PVT1: variants seen among roughly 807,000 people sequenced by gnomAD.
PVT1 encodes the protein Pvt1 oncogene, also known as CXCR4/PVT1 fusion.
At chr8:127,920,476 C>T (rs1563639747) in intron 3 of PVT1, among the ~76,000 whole-genome samples, 1 of 152,168 alleles carries the variant, frequency 6.6e-6, no homozygotes, top group Non-Finnish European at 1.5e-5. Flanking sequence ...GTAAATGAGA[C>T]TAATACTAGT....
chr8:127,991,136 CTTTCTTTTTTT>C (rs1817034247), intron 4 of PVT1, among the ~76,000 whole-genome samples: 1 of 136,392 alleles, frequency 7.3e-6, no homozygotes, highest in African/African-American at 2.8e-5. Flanking sequence ...TTTTTCTTTT[CTTTCTTTTTTT>C]TTTTTTTTTT....
At chr8:127,862,776 G>A (rs187007420) in intron 2 of PVT1, among the ~76,000 whole-genome samples, 40 of 152,290 alleles carry the variant, frequency 2.6e-4, no homozygotes, top group Non-Finnish European at 5.1e-4. Context: ...TACTGGTGTG[G>A]TTGGCCAGCT....
At chr8:127,961,999 G>A (rs1816648788) in intron 3 of PVT1, among the ~76,000 whole-genome samples, 1 of 152,196 alleles carries the variant, frequency 6.6e-6, no homozygotes, top group Admixed American at 6.5e-5. Flanking sequence ...TTTTGAGACG[G>A]AGTCTCGCTC....
At chr8:127,960,673 G>A (rs759146459) in intron 3 of PVT1, 2 of 527,692 alleles carry the variant, frequency 3.8e-6, no homozygotes, top group Admixed American at 4.0e-5. Context: ...CTTCCTTCCT[G>A]TCAACCCTGT....
At chr8:128,054,663 C>G (rs535679961) in intron 4 of PVT1, among the ~76,000 whole-genome samples, 1 of 152,118 alleles carries the variant, frequency 6.6e-6, no homozygotes, top group South Asian at 2.1e-4. Context: ...TTTGGGCACT[C>G]CATGTTTAAT....
rs1042862823 is a variant in PVT1, at chr8:127,811,056, C to T, written n.372+14985C>T. On this transcript the variant is annotated intron_variant and non_coding_transcript_variant, in intron 2 of 10. Transcript: ENST00000651587. ...CACACCAGGCGGGCCTGATCAAATA[C>T]AGTAAGAAGTGTCCGGATTGGCAAA... Among the ~76,000 whole-genome samples the T allele has an allele frequency of 4.6e-5, 7 of 152,244 alleles. No individual in the cohort carries two copies. The East Asian group carries it at 1.4e-3, about 29-fold the overall frequency.
rs60674970 is a variant in PVT1, at chr8:127,881,677, G to A, written n.373-8912G>A. Reference sequence around the variant, plus strand: ...TCAACATGTTAGTTAGGCCGGTCTCGAACTTCTGACCTTAGGTGATCCACT... The same window carrying A: ...TCAACATGTTAGTTAGGCCGGTCTCAAACTTCTGACCTTAGGTGATCCACT... On this transcript the variant is annotated intron_variant and non_coding_transcript_variant, in intron 2 of 10. Transcript: ENST00000651587. Among the ~76,000 whole-genome samples, 910 of 151,910 alleles carry A rather than the reference G, an allele frequency of 6.0e-3. 2 individuals carry two copies. The highest frequency in any genetic ancestry group is 0.011 in the African/African-American group (468 of 41,382).
intron 3 of PVT1, among the ~76,000 whole-genome samples, chr8:127,975,137 TATAA>T (rs1816809703): frequency 6.6e-6 from 1 of 152,206 alleles, no homozygotes; most frequent in African/African-American, 2.4e-5. Flanking sequence ...TCTTCGTGCA[TATAA>T]CCTTTTTCTT....
chr8:127,855,501 TC>T (rs1815151185), intron 2 of PVT1, among the ~76,000 whole-genome samples: 1 of 152,172 alleles, frequency 6.6e-6, no homozygotes, highest in African/African-American at 2.4e-5. Flanking sequence ...GGGGGACATT[TC>T]TGCTGGCCCT....
At chr8:128,085,646 T>C (rs2648893) in intron 5 of PVT1, among the ~76,000 whole-genome samples, 33,300 of 152,160 alleles carry the variant, frequency 0.22, 4,811 homozygotes, top group African/African-American at 0.41. Flanking sequence ...CTTAAGATGC[T>C]TTCATTTTAC....
intron 3 of PVT1, among the ~76,000 whole-genome samples, chr8:127,899,940 A>G (rs1025534799): frequency 6.6e-6 from 1 of 152,230 alleles, no homozygotes; most frequent in Non-Finnish European, 1.5e-5. Context: ...GGGCAACGTA[A>G]CAAAAGCCGT....
At chr8:128,047,109 T>C (rs1332607981) in intron 4 of PVT1, among the ~76,000 whole-genome samples, 1 of 152,242 alleles carries the variant, frequency 6.6e-6, no homozygotes, top group African/African-American at 2.4e-5. Flanking sequence ...TCCTCCAAGG[T>C]ACTTTGGGCT....
chr8:127,837,803 T>G (rs1473654962), intron 2 of PVT1, among the ~76,000 whole-genome samples: 5 of 152,186 alleles, frequency 3.3e-5, no homozygotes, highest in Non-Finnish European at 2.9e-5. Context: ...TTTTGTGTTG[T>G]CAGGTATGAT....
At chr8:128,043,813 G>A (rs113799936) in intron 4 of PVT1, among the ~76,000 whole-genome samples, 3,032 of 145,178 alleles carry the variant, frequency 0.021, 146 homozygotes, top group African/African-American at 0.07. Context: ...CATACACAAG[G>A]AGGCCAAACA....
At chr8:127,895,032 T>C (rs1331092124) in intron 3 of PVT1, among the ~76,000 whole-genome samples, 1 of 152,254 alleles carries the variant, frequency 6.6e-6, no homozygotes, top group East Asian at 1.9e-4. Flanking sequence ...CCCTGCCTGT[T>C]ATGTTCATTG....
intron 3 of PVT1, among the ~76,000 whole-genome samples, chr8:127,985,845 T>C (rs781030201): frequency 6.6e-6 from 1 of 152,188 alleles, no homozygotes; most frequent in Non-Finnish European, 1.5e-5. Flanking sequence ...TTCCACATCA[T>C]GAACCCAAGT....
Position 128,087,669 on chromosome 8 carries a change from C to T in PVT1, n.1115-8849C>T, listed in dbSNP as rs937572735. Among the ~76,000 whole-genome samples, 3 of 151,916 alleles carry T rather than the reference C, an allele frequency of 2.0e-5. No homozygotes were observed. In the East Asian group the frequency reaches 5.8e-4, roughly 29 times the overall value. ...TCCTATTTACTTTGAATGATTGGCT[C>T]ACCAAAGTTTTTGCTGGTTTTCTGT... On this transcript the variant is annotated intron_variant and non_coding_transcript_variant, in intron 5 of 10. Coordinates refer to ENST00000651587, the Ensembl canonical transcript of PVT1.
chr8:127,994,131 C>T (rs1817076596), intron 4 of PVT1, among the ~76,000 whole-genome samples: 1 of 152,248 alleles, frequency 6.6e-6, no homozygotes, highest in Non-Finnish European at 1.5e-5. Flanking sequence ...TCCTCACCCC[C>T]TCTCCAACTG....
chr8:127,910,769 G>A (rs1815884508), intron 3 of PVT1, among the ~76,000 whole-genome samples: 1 of 152,182 alleles, frequency 6.6e-6, no homozygotes. Flanking sequence ...GAGGATCAGA[G>A]AGGCTAAGTA....
Sources: allele counts gnomAD v4.1 joint callset (sites outside exome capture counted in the v4.1 genomes callset), GRCh38; gene constraint gnomAD v4.1.1; transcripts MANE v1.5; gene names NCBI Gene and HGNC (gene_info 2026-07-23, HGNC 2026-07-21).